Variants in LATS1 observed in about 807,000 individuals in gnomAD.
LATS1 encodes the protein large tumor suppressor kinase 1.
Under a neutral mutation model 106.6 loss-of-function variants are expected in LATS1, and 25 were observed. That is an observed-to-expected ratio of 0.23 (90% CI 0.17 to 0.33). The LOEUF is 0.33. LATS1 is among the 10% of genes least tolerant of loss of function. LATS1 has a pLI of 1.00. For missense variants in LATS1, 1,040 were observed against 1,382.6 expected (o/e 0.75, Z 3.93); for synonymous variants, 465 against 455.6 (o/e 1.02, Z -0.26).
Position 149,707,902 on chromosome 6 carries a change from G to A in LATS1, c.-140-5636C>T, listed in dbSNP as rs577993746. On this transcript the variant is annotated intron_variant, in intron 1 of 7. Coordinates refer to ENST00000543571, the MANE Select transcript of LATS1 (RefSeq NM_004690.4). ...CTTATTATTTATTTTTTAGAGACAG[G>A]GGCTCACCATGTTGCCCAGGCTAGT... Among the ~76,000 whole-genome samples, 38 of 151,974 alleles carry A rather than the reference G, an allele frequency of 2.5e-4. No homozygotes were observed. In the South Asian group the frequency reaches 7.9e-3, roughly 32 times the overall value.
intron 1 of LATS1, among the ~76,000 whole-genome samples, chr6:149,704,953 C>A (rs568959743): frequency 7.0e-6 from 1 of 143,516 alleles, no homozygotes; most frequent in Non-Finnish European, 1.5e-5. Context: ...TGAGACATGA[C>A]GAAGCCCTGT....
In LATS1 at chr6:149,718,063, T is replaced by C; in HGVS notation, c.-355A>G. The stretch of plus-strand genomic sequence containing the variant: ...AGGCCACCGCCGCCGCCGCCGCCAT[T>C]TTGCCTTCCACTCAGTGTCGCCGCC... On this transcript the variant is annotated 5_prime_UTR_variant, in exon 1 of 8. Coordinates refer to ENST00000543571, the MANE Select transcript of LATS1 (RefSeq NM_004690.4). 1 of 323,194 alleles carries C rather than the reference T, an allele frequency of 3.1e-6. No homozygotes were observed. Among genetic ancestry groups the C allele is most frequent in the South Asian group, 2.1e-5 (1 of 46,802 alleles). 20.0% of individuals were successfully genotyped at this position (323,194 alleles called of 1,614,324 possible).
rs1341060654 is a variant in LATS1 at position 149,658,871 on chromosome 6, A to T, written c.*2858T>A. Reference sequence around the variant, plus strand: ...AACACATCTTATAAATACTATTGATATGCATAAAAAGGGTAAGTATAATAA... The same window carrying T: ...AACACATCTTATAAATACTATTGATTTGCATAAAAAGGGTAAGTATAATAA... On this transcript the variant is annotated 3_prime_UTR_variant, in exon 8 of 8. Coordinates refer to ENST00000543571, the MANE Select transcript of LATS1 (RefSeq NM_004690.4). 6.6e-6 allele frequency: 1 copy of T among 152,244 alleles called. No homozygotes were observed. Among genetic ancestry groups the T allele is most frequent in the Admixed American group, 6.5e-5 (1 of 15,282 alleles). 9.4% of individuals were successfully genotyped at this position (152,244 alleles called of 1,614,324 possible).
chr6:149,682,731 CTAGTTT>C (rs1782123390), intron 4 of LATS1, among the ~76,000 whole-genome samples: 2 of 152,036 alleles, frequency 1.3e-5, no homozygotes, highest in African/African-American at 4.8e-5. Context: ...CCACATATTT[CTAGTTT>C]ATTTTTAAAT....
chr6:149,712,768 C>T (rs1274469391), intron 1 of LATS1, among the ~76,000 whole-genome samples: 4 of 152,082 alleles, frequency 2.6e-5, no homozygotes, highest in African/African-American at 7.2e-5. Flanking sequence ...CTGAGGTGGG[C>T]GGATCTCTTG....
At chr6:149,678,748 G>C (rs991915780) in intron 5 of LATS1, among the ~76,000 whole-genome samples, 1 of 152,170 alleles carries the variant, frequency 6.6e-6, no homozygotes, top group Admixed American at 6.5e-5. Context: ...CATGGGCCCT[G>C]AAATCAGACA....
chr6:149,717,099 A>G (rs955411107), intron 1 of LATS1, among the ~76,000 whole-genome samples: 3 of 152,350 alleles, frequency 2.0e-5, no homozygotes, highest in African/African-American at 7.2e-5. Context: ...ATTGTTCACT[A>G]GATTTATGAA....
rs1312281972 is a variant in LATS1, at chr6:149,717,973, G to C, written c.-265C>G. The C allele has an allele frequency of 2.7e-6, 1 of 364,826 alleles. No individual in the cohort carries two copies. The highest frequency in any genetic ancestry group is 5.3e-6 in the Non-Finnish European group (1 of 189,354). The allele number at this position is 364,826 out of a possible 1,614,324, so 22.6% of individuals were successfully genotyped here. A position where few individuals can be genotyped will look rare whatever the true frequency, so the allele number is the denominator to read the frequency against. On this transcript the variant is annotated 5_prime_UTR_variant, in exon 1 of 8. Transcript: ENST00000543571. ...GGGCAGAGCGGGGAGACGAACGGGG[G>C]GGCTGCCGCGGGCCAGCGCGGCCCG...
intron 2 of LATS1, among the ~76,000 whole-genome samples, chr6:149,696,640 T>TGTATAGTAGTTTAA (rs1783096213): frequency 6.6e-6 from 1 of 151,706 alleles, no homozygotes; most frequent in South Asian, 2.1e-4. Context: ...ATTGCCATTG[T>TGTATAGTAGTTTAA]GCATAGTAGT....
chr6:149,661,544 A>T lies in LATS1; in HGVS notation c.*185T>A. 1 of 496,906 alleles carries T rather than the reference A, an allele frequency of 2.0e-6. No homozygotes were observed. 30.8% of individuals were successfully genotyped at this position (496,906 alleles called of 1,614,324 possible). ...TATAACAATTTTTTTCTAAATACTG[A>T]TTTAAACGGCTGGAATAAATTAACA... On this transcript the variant is annotated 3_prime_UTR_variant, in exon 8 of 8. Transcript: ENST00000543571.
intron 5 of LATS1, among the ~76,000 whole-genome samples, chr6:149,678,700 A>T (rs1781867034): frequency 6.6e-6 from 1 of 152,172 alleles, no homozygotes; most frequent in South Asian, 2.1e-4. Context: ...TAGCGCTTGG[A>T]GGGATCTTGG....
chr6:149,705,868 G>C (rs760538871), intron 1 of LATS1, among the ~76,000 whole-genome samples: 1 of 151,914 alleles, frequency 6.6e-6, no homozygotes, highest in East Asian at 1.9e-4. Context: ...TCACTGTAGC[G>C]GGCTGAATAA....
chr6:149,699,939 G>T (rs1367707073), intron 2 of LATS1, among the ~76,000 whole-genome samples: 1 of 152,116 alleles, frequency 6.6e-6, no homozygotes, highest in African/African-American at 2.4e-5. Flanking sequence ...GAAAGAATAA[G>T]ATCAATAATT....
At chr6:149,695,411 C>T (rs1309634319) in intron 2 of LATS1, among the ~76,000 whole-genome samples, 190 bp from the exon 3 acceptor site, 3 of 152,114 alleles carry the variant, frequency 2.0e-5, no homozygotes, top group African/African-American at 4.8e-5. Flanking sequence ...ACAGGCAGGG[C>T]GCAGTGGCTC....
intron 1 of LATS1, among the ~76,000 whole-genome samples, chr6:149,715,013 C>T (rs923210090): frequency 6.6e-5 from 10 of 151,818 alleles, no homozygotes; most frequent in Admixed American, 6.6e-5. Flanking sequence ...CTTTAAATAC[C>T]GATATTGAAT....
intron 7 of LATS1, among the ~76,000 whole-genome samples, chr6:149,671,982 A>T (rs568137025): frequency 6.6e-6 from 1 of 151,520 alleles, no homozygotes; most frequent in Non-Finnish European, 1.5e-5. Context: ...TCCTCCTCCC[A>T]GATTCAAGCT....
chr6:149,683,616 T>C lies in LATS1; in HGVS notation c.1473A>G (p.Pro491=), dbSNP rs1782183190. 6.2e-7 allele frequency: 1 copy of C among 1,614,224 alleles called. No homozygotes were observed. The highest frequency in any genetic ancestry group is 8.5e-7 in the Non-Finnish European group (1 of 1,180,036). ...PSATTVTAIT[P]APIQQPVKSM... ...TTTTCACAGGCTGTTGAATAGGAGC[T>C]GGTGTAATTGCAGTGACTGTTGTAG... Residue 491 remains proline, a synonymous_variant, in exon 4 of 8, where the codon CCA becomes CCG. Coordinates refer to ENST00000543571, the MANE Select transcript of LATS1 (RefSeq NM_004690.4).
rs745867997 is a variant in LATS1, at chr6:149,683,223, TTTC to T, written c.1863_1865del (p.Lys622del). On this transcript the variant is annotated inframe_deletion, in exon 4 of 8. Transcript: ENST00000543571. ...TACGAGATTCCCTTCGCTCTTCATC[TTTC>T]TTGTTTTTCCTAACAGTAATAGGTG... is the stretch of plus-strand genomic sequence containing the variant. The T allele has an allele frequency of 6.2e-7, 1 of 1,614,090 alleles. No individual in the cohort carries two copies. Among genetic ancestry groups the T allele is most frequent in the Non-Finnish European group, 8.5e-7 (1 of 1,180,002 alleles).
intron 7 of LATS1, among the ~76,000 whole-genome samples, chr6:149,667,438 C>CAAAAAAAAAAAAAAAAAA (rs1189854950): frequency 2.9e-5 from 1 of 33,958 alleles, no homozygotes; most frequent in African/African-American, 1.3e-4. Flanking sequence ...GACTGTATCT[C>CAAAAAAAAAAAAAAAAAA]AAAAAAAAAA....
Sources: allele counts gnomAD v4.1 joint callset (sites outside exome capture counted in the v4.1 genomes callset), GRCh38; gene constraint gnomAD v4.1.1; transcripts MANE v1.5; gene names NCBI Gene and HGNC (gene_info 2026-07-23, HGNC 2026-07-21).